CERK: variants seen among roughly 807,000 people sequenced by gnomAD.
CERK encodes the protein acylsphingosine kinase.
CERK carries 39 observed loss-of-function variants against 63.4 expected under a neutral mutation model. The ratio of observed to expected loss-of-function variants is 0.61; its 90% CI spans 0.48 to 0.80. The LOEUF (loss-of-function observed/expected upper bound fraction) is 0.80. Ranked by LOEUF, CERK falls within the 30% of genes least tolerant of loss-of-function variation. The pLI is 0.00. For missense variants in CERK, 670 were observed against 714.1 expected (o/e 0.94, Z 0.70); for synonymous variants, 302 against 280.0 (o/e 1.08, Z -0.78).
In CERK at chr22:46,738,138, G is replaced by T; in HGVS notation, c.11C>A (p.Thr4Lys). 1 of 1,211,172 alleles carries T rather than the reference G, an allele frequency of 8.3e-7. No homozygotes were observed. Among genetic ancestry groups the T allele is most frequent in the Non-Finnish European group, 1.0e-6 (1 of 971,960 alleles). 75.0% of individuals were successfully genotyped at this position (1,211,172 alleles called of 1,614,324 possible). Residue 4 changes from threonine to lysine, a missense_variant, in exon 1 of 13, where the codon ACG becomes AAG. Physicochemically the swap from Thr to Lys is moderately conservative, Grantham distance 78. Coordinates refer to ENST00000216264, the MANE Select transcript of CERK (RefSeq NM_022766.6). Reference protein sequence around the residue: MGATGAAEPLQSVL... With the variant: MGAKGAAEPLQSVL... ...GGATTGCAGCGGCTCCGCCGCCCCC[G>T]TCGCCCCCATCTCCGCCGCCGGGCT... is the stretch of plus-strand genomic sequence containing the variant.
At chr22:46,715,073 C>A (rs534867788) in intron 3 of CERK, among the ~76,000 whole-genome samples, 4 of 151,072 alleles carry the variant, frequency 2.6e-5, no homozygotes, top group South Asian at 4.2e-4. Context: ...CTTAAAAAAA[C>A]CAAAACTCTC....
At chr22:46,708,971 C>G (rs374331869) in intron 5 of CERK, among the ~76,000 whole-genome samples, 1 of 152,290 alleles carries the variant, frequency 6.6e-6, no homozygotes, top group Non-Finnish European at 1.5e-5. Context: ...TGTGCAGGCG[C>G]GACCAGTCTC....
intron 6 of CERK, among the ~76,000 whole-genome samples, chr22:46,706,127 C>T (rs1248076196): frequency 6.6e-6 from 1 of 152,234 alleles, no homozygotes; most frequent in African/African-American, 2.4e-5. Context: ...ACACAGAGCT[C>T]GACCTTGCAC....
In CERK at chr22:46,708,575, G is replaced by C. The variant is rs73888625; in HGVS notation, c.570-587C>G. 8.6e-3 allele frequency among the ~76,000 whole-genome samples: 1,307 copies of C among 152,286 alleles called. 22 individuals carry two copies. The highest frequency in any genetic ancestry group is 0.03 in the African/African-American group (1,265 of 41,514). ...GGGACGGAATAAATGCGGACAAAAT[G>C]GGGCATGAGACAATCTAAGGAGAGG... On this transcript the variant is annotated intron_variant, in intron 5 of 12. Coordinates refer to ENST00000216264, the MANE Select transcript of CERK (RefSeq NM_022766.6).
At chr22:46,716,717 T>C (rs997279654) in intron 3 of CERK, among the ~76,000 whole-genome samples, 2 of 151,648 alleles carry the variant, frequency 1.3e-5, no homozygotes, top group Non-Finnish European at 2.9e-5. Context: ...GGCAGGTAGA[T>C]CACTTGAGGC....
intron 6 of CERK, among the ~76,000 whole-genome samples, chr22:46,702,218 T>A (rs867410827): frequency 0.075 from 7,805 of 103,674 alleles, 636 homozygotes; most frequent in East Asian, 0.32. Flanking sequence ...TAAAAAAATA[T>A]ATATATGTGT....
At chr22:46,729,324 A>C (rs2082934434) in intron 1 of CERK, among the ~76,000 whole-genome samples, 1 of 152,176 alleles carries the variant, frequency 6.6e-6, no homozygotes. Context: ...GAGCCACTGC[A>C]CTCCAGCCTG....
chr22:46,693,512 C>T lies in CERK; in HGVS notation c.1050-9G>A, dbSNP rs182870657. 1.9e-6 allele frequency: 3 copies of T among 1,612,390 alleles called. No homozygotes were observed. ...GCCTGCAAACAAAGCATCTGAAAGACAAGAATATCATCACCTTTTAAATAT... is the reference window on the plus strand; with the variant it reads ...GCCTGCAAACAAAGCATCTGAAAGATAAGAATATCATCACCTTTTAAATAT... On this transcript the variant is annotated splice_polypyrimidine_tract_variant and intron_variant, in intron 9 of 12. Transcript: ENST00000216264.
intron 8 of CERK, among the ~76,000 whole-genome samples, chr22:46,696,923 C>G (rs1239590540): frequency 6.6e-6 from 1 of 152,212 alleles, no homozygotes; most frequent in Non-Finnish European, 1.5e-5. Context: ...CAGGGGCATT[C>G]TAGGCAGAGC....
chr22:46,721,094 G>GAGAATATTAAAGC, intron 1 of CERK, 79 bp from the exon 2 acceptor site: 5 of 898,554 alleles, frequency 5.6e-6, no homozygotes, highest in Non-Finnish European at 9.3e-6. Context: ...CCAAGAAGCT[G>GAGAATATTAAAGC]AGAATATTCT....
rs201569044 is a variant in CERK, at chr22:46,691,535, C to T, written c.1332+37G>A. The stretch of plus-strand genomic sequence containing the variant: ...AGGGACTGCTGGAACATAAATTACT[C>T]GCCAGTGGAGGCTCCATGCAAGAGC... On this transcript the variant is annotated intron_variant, in intron 11 of 12. Coordinates refer to ENST00000216264, the MANE Select transcript of CERK (RefSeq NM_022766.6). 1.0e-3 allele frequency: 1,593 copies of T among 1,525,020 alleles called. 4 individuals are homozygous for T. The highest frequency in any genetic ancestry group is 1.4e-3 in the Non-Finnish European group (1,503 of 1,104,384). 94.5% of individuals were successfully genotyped at this position (1,525,020 alleles called of 1,614,324 possible).
intron 5 of CERK, among the ~76,000 whole-genome samples, chr22:46,710,632 T>C (rs1163732919): frequency 6.6e-6 from 1 of 152,090 alleles, no homozygotes; most frequent in Non-Finnish European, 1.5e-5. Flanking sequence ...AGCCTGAACA[T>C]CTACAAGTGA....
At chr22:46,699,037 C>G (rs1055820132) in intron 8 of CERK, among the ~76,000 whole-genome samples, 23 of 152,168 alleles carry the variant, frequency 1.5e-4, no homozygotes, top group African/African-American at 5.3e-4. Flanking sequence ...GGGGTTCCAG[C>G]ACCTGGGGTT....
rs190969137 is a variant in CERK at position 46,720,211 on chromosome 22, G to T, written c.257-3C>A. The T allele has an allele frequency of 4.6e-5, 74 of 1,609,248 alleles. No homozygotes were observed. The East Asian group carries it at 1.7e-3, about 36-fold the overall frequency. On this transcript the variant is annotated splice_polypyrimidine_tract_variant and splice_region_variant and intron_variant, in intron 2 of 12. Coordinates refer to ENST00000216264, the MANE Select transcript of CERK (RefSeq NM_022766.6). ...TCGTGCTCTCTTTACACAGTGAACT[G>T]CACAGAAGCAAGCATGCTCGTTAGT...
chr22:46,689,859 C>T, intron 12 of CERK, 133 bp downstream of exon 12: 1 of 619,014 alleles, frequency 1.6e-6, no homozygotes, highest in Non-Finnish European at 2.7e-6. Flanking sequence ...GAGAAAAGTG[C>T]ATTTATAAAA....
At chr22:46,713,059 T>C (rs1447147616) in intron 3 of CERK, among the ~76,000 whole-genome samples, 2 of 151,910 alleles carry the variant, frequency 1.3e-5, no homozygotes, top group Non-Finnish European at 2.9e-5. Context: ...TTAGCCAGAG[T>C]CACCCCCATT....
At chr22:46,724,340 C>T (rs2082907309) in intron 1 of CERK, among the ~76,000 whole-genome samples, 2 of 152,194 alleles carry the variant, frequency 1.3e-5, no homozygotes, top group Admixed American at 1.3e-4. Context: ...GTCCAGTCAA[C>T]AGTAGGCTGT....
At chr22:46,701,984 C>T (rs1365814993) in intron 6 of CERK, among the ~76,000 whole-genome samples, 2 of 152,058 alleles carry the variant, frequency 1.3e-5, no homozygotes, top group African/African-American at 2.4e-5. Context: ...AGTTCGAGAC[C>T]AGCCTGGCCA....
chr22:46,707,522 C>T (rs1444765252), intron 6 of CERK, among the ~76,000 whole-genome samples: 4 of 152,304 alleles, frequency 2.6e-5, no homozygotes, highest in Non-Finnish European at 5.9e-5. Context: ...TCTTCCAGAA[C>T]GCACCCCCTG....
Sources: gnomAD v4.1 joint callset for allele counts (sites outside exome capture counted in the v4.1 genomes callset) on GRCh38, gnomAD v4.1.1 for gene constraint, MANE v1.5 for transcripts, NCBI Gene and HGNC (gene_info 2026-07-23, HGNC 2026-07-21) for gene names.